The following PDSS2 variants were observed in gnomAD, a reference collection of about 807,000 sequenced individuals.
The protein encoded by PDSS2 is decaprenyl diphosphate synthase subunit 2.
Under a neutral mutation model 44.5 loss-of-function variants are expected in PDSS2, and 31 were observed. That is an observed-to-expected ratio of 0.70 (90% confidence interval 0.52 to 0.94). The LOEUF (loss-of-function observed/expected upper bound fraction) is 0.94, where lower values mean the gene tolerates loss of function less well. PDSS2 is among the 40% of genes least tolerant of loss of function. The pLI is 0.00. For missense variants in PDSS2, 452 were observed against 482.2 expected (o/e 0.94, Z 0.59); for synonymous variants, 157 against 180.3 (o/e 0.87, Z 1.03).
intron 1 of PDSS2, among the ~76,000 whole-genome samples, chr6:107,356,951 C>G (rs1257362409): frequency 1.3e-5 from 2 of 152,124 alleles, no homozygotes; most frequent in South Asian, 4.1e-4. Flanking sequence ...CATAATTTTA[C>G]ATCAATCCTC....
intron 7 of PDSS2, among the ~76,000 whole-genome samples, chr6:107,161,482 G>GAA (rs529825329): frequency 1.6e-3 from 192 of 119,700 alleles, no homozygotes; most frequent in Non-Finnish European, 2.6e-3. Context: ...TCCGTCTCAG[G>GAA]AAAAAAAAAA....
At chr6:107,406,500 A>T (rs752080302) in intron 1 of PDSS2, among the ~76,000 whole-genome samples, 4 of 152,184 alleles carry the variant, frequency 2.6e-5, no homozygotes, top group Non-Finnish European at 4.4e-5. Flanking sequence ...TTTAATCACA[A>T]ACTCTAAATG....
intron 3 of PDSS2, among the ~76,000 whole-genome samples, chr6:107,246,431 C>A (rs1774616650): frequency 6.6e-6 from 1 of 152,166 alleles, no homozygotes; most frequent in Non-Finnish European, 1.5e-5. Flanking sequence ...GCAACCCCAT[C>A]CGCTTCTTAC....
chr6:107,364,283 G>A (rs759990662), intron 1 of PDSS2, among the ~76,000 whole-genome samples: 10 of 152,246 alleles, frequency 6.6e-5, no homozygotes, highest in African/African-American at 1.7e-4. Context: ...ACTGGGCGCC[G>A]TGGAGTAGGG....
In PDSS2 at chr6:107,334,306, C is replaced by T. The variant is rs144461244; in HGVS notation, c.323G>A (p.Ser108Asn). 1.4e-4 allele frequency: 229 copies of T among 1,613,562 alleles called. 1 individual carries two copies. Among genetic ancestry groups the T allele is most frequent in the Non-Finnish European group, 4.4e-5 (52 of 1,179,708 alleles). Residue 108 changes from serine to asparagine, a missense_variant, in exon 2 of 8, where the codon AGC (serine) becomes AAC (asparagine). Physicochemically the swap from Ser to Asn is conservative, Grantham distance 46. Transcript: ENST00000369037. ...ARGLVHDSWN[S>N]LQLRGLVVLL... ...CACCACCAAGCCCCTCAACTGGAGG[C>T]TATTCCAGCTGTCATGTACAAGCCC...
At chr6:107,402,981 G>A (rs1382839823) in intron 1 of PDSS2, among the ~76,000 whole-genome samples, 1 of 152,020 alleles carries the variant, frequency 6.6e-6, no homozygotes, top group African/African-American at 2.4e-5. Flanking sequence ...ACACAATCAT[G>A]CCTTTCCAAC....
intron 2 of PDSS2, among the ~76,000 whole-genome samples, chr6:107,277,515 T>C (rs1368621612): frequency 6.6e-6 from 1 of 152,050 alleles, no homozygotes; most frequent in Non-Finnish European, 1.5e-5. Flanking sequence ...GGAAGAAGAT[T>C]CCAAAGGTGA....
At chr6:107,215,804 CT>C (rs1773391863) in intron 4 of PDSS2, among the ~76,000 whole-genome samples, 2 of 152,096 alleles carry the variant, frequency 1.3e-5, no homozygotes, top group African/African-American at 4.8e-5. Context: ...TAAATAGGAT[CT>C]TTTCTTTCAT....
intron 1 of PDSS2, among the ~76,000 whole-genome samples, chr6:107,395,367 C>T (rs1027308567): frequency 6.6e-6 from 1 of 152,062 alleles, no homozygotes; most frequent in African/African-American, 2.4e-5. Context: ...AACATTATTA[C>T]TTTATTTTTC....
intron 1 of PDSS2, among the ~76,000 whole-genome samples, chr6:107,450,542 A>G (rs1441596206): frequency 6.6e-6 from 1 of 152,226 alleles, no homozygotes; most frequent in African/African-American, 2.4e-5. Flanking sequence ...GAAATTATGG[A>G]ACATCATTCT....
rs1554245142 is a variant in PDSS2 at position 107,154,599 on chromosome 6, A to G, written c.*20T>C. 3 of 1,612,258 alleles carry G rather than the reference A, an allele frequency of 1.9e-6. No homozygotes were observed. In the South Asian group the frequency reaches 3.3e-5, roughly 18 times the overall value. On this transcript the variant is annotated 3_prime_UTR_variant, in exon 8 of 8. Transcript: ENST00000369037. Reference sequence around the variant, plus strand: ...CTAGGATTTTCAGCTAACTAACAATAGTGTCTTTTTAATTTGATGTCATGA... The same window carrying G: ...CTAGGATTTTCAGCTAACTAACAATGGTGTCTTTTTAATTTGATGTCATGA...
At chr6:107,174,813 GTAA>G (rs1383955049) in intron 7 of PDSS2, among the ~76,000 whole-genome samples, 2 of 151,642 alleles carry the variant, frequency 1.3e-5, no homozygotes, top group Non-Finnish European at 2.9e-5. Context: ...CAAAAATACA[GTAA>G]GAATAGTAGT....
At chr6:107,204,286 A>G (rs1274005076) in intron 6 of PDSS2, among the ~76,000 whole-genome samples, 1 of 152,156 alleles carries the variant, frequency 6.6e-6, no homozygotes, top group African/African-American at 2.4e-5. Context: ...AGCATGTATC[A>G]ATACCTCATT....
At chr6:107,451,577 GC>G (rs1233582797) in intron 1 of PDSS2, among the ~76,000 whole-genome samples, 2 of 152,060 alleles carry the variant, frequency 1.3e-5, no homozygotes, top group African/African-American at 4.8e-5. Flanking sequence ...TTGTAAACAT[GC>G]CCTCCATTAT....
At chr6:107,297,888 G>A (rs1328807830) in intron 2 of PDSS2, among the ~76,000 whole-genome samples, 7 of 151,744 alleles carry the variant, frequency 4.6e-5, no homozygotes, top group Admixed American at 4.6e-4. Context: ...TGGGATTATA[G>A]GCGTGTGCCA....
At chr6:107,442,725 T>C (rs979027147) in intron 1 of PDSS2, among the ~76,000 whole-genome samples, 2 of 152,296 alleles carry the variant, frequency 1.3e-5, no homozygotes, top group Admixed American at 6.5e-5. Context: ...ACATACTCAA[T>C]TGCTCAGCTT....
rs148087175 is a variant in PDSS2, at chr6:107,326,523, C to T, written c.431+7675G>A. ...GATTTTCTTCTTATTCGCCAACTCACCTGCCACCCAGAAGTCACATAGGTA... is the reference window on the plus strand; with the variant it reads ...GATTTTCTTCTTATTCGCCAACTCATCTGCCACCCAGAAGTCACATAGGTA... On this transcript the variant is annotated intron_variant, in intron 2 of 7. Coordinates refer to ENST00000369037, the MANE Select transcript of PDSS2 (RefSeq NM_020381.4). 2.0e-5 allele frequency among the ~76,000 whole-genome samples: 3 copies of T among 152,218 alleles called. No homozygotes were observed. The East Asian group carries it at 5.8e-4, about 29-fold the overall frequency.
At chr6:107,400,365 C>A (rs1049355799) in intron 1 of PDSS2, among the ~76,000 whole-genome samples, 2 of 152,126 alleles carry the variant, frequency 1.3e-5, no homozygotes, top group Non-Finnish European at 2.9e-5. Flanking sequence ...GGGGAGGACA[C>A]CCCACAGTCA....
chr6:107,202,504 C>A (rs982731502), intron 6 of PDSS2, among the ~76,000 whole-genome samples: 1 of 152,156 alleles, frequency 6.6e-6, no homozygotes, highest in African/African-American at 2.4e-5. Flanking sequence ...GTTAGAGCAG[C>A]CCACTGAGTA....
Sources: allele counts gnomAD v4.1 joint callset (sites outside exome capture counted in the v4.1 genomes callset), GRCh38; gene constraint gnomAD v4.1.1; transcripts MANE v1.5; gene names NCBI Gene and HGNC (gene_info 2026-07-23, HGNC 2026-07-21).